Variants in INPPL1 observed in about 807,000 individuals in gnomAD.
The protein encoded by INPPL1 is phosphatidylinositol 3,4,5-trisphosphate 5-phosphatase 2.
INPPL1 carries 91 observed loss-of-function variants against 139.3 expected under a neutral mutation model. That is an observed-to-expected ratio of 0.65 (90% CI 0.55 to 0.78). The LOEUF is 0.78. INPPL1 is among the 30% of genes least tolerant of loss of function. INPPL1 has a pLI of 0.00. For synonymous variants in INPPL1, 719 were observed against 686.6 expected, an observed-to-expected ratio of 1.05 and a Z score of -0.74; for missense variants, 1,411 against 1,665.6, an observed-to-expected ratio of 0.85 and a Z score of 2.66.
rs1305706888 is a variant in INPPL1 at position 72,228,713 on chromosome 11, A to T, written c.398-14A>T. 1 of 1,606,782 alleles carries T rather than the reference A, an allele frequency of 6.2e-7. No individual in the cohort carries two copies. Among genetic ancestry groups the T allele is most frequent in the South Asian group, 1.1e-5 (1 of 90,266 alleles). On this transcript the variant is annotated splice_polypyrimidine_tract_variant and intron_variant, in intron 3 of 27. Transcript: ENST00000298229. The surrounding 1 kb of genome is among the most constrained non-coding windows in gnomAD (Gnocchi z 5.0). ...GGGAGGCCCAAACGGCTGCCCACTGACCCCTGCCCACAGATGGGGAGGATG... is the reference window on the plus strand; with the variant it reads ...GGGAGGCCCAAACGGCTGCCCACTGTCCCCTGCCCACAGATGGGGAGGATG...
In INPPL1 at chr11:72,235,188, G is replaced by GATA. The variant is rs1323025568; in HGVS notation, c.2488_2489insATA (p.Gly830delinsAspSer). 6.2e-7 allele frequency: 1 copy of GATA among 1,614,052 alleles called. No individual in the cohort carries two copies. The highest frequency in any genetic ancestry group is 1.1e-5 in the South Asian group (1 of 91,080). ...CCTGCTCACAGTCAAGTCCATGGAT[G>GATA]GCTATGAATCCTATGGTGAGGGGTG... On this transcript the variant is annotated protein_altering_variant, in exon 22 of 28. Transcript: ENST00000298229. The surrounding 1 kb of genome is among the most constrained non-coding windows in gnomAD (Gnocchi z 4.9).
rs151260449 is a variant in INPPL1 at position 72,235,961 on chromosome 11, C to T, written c.2854C>T (p.Pro952Ser). 107 of 1,601,854 alleles carry T rather than the reference C, an allele frequency of 6.7e-5. No homozygotes were observed. The African/African-American group carries it at 1.2e-3, about 18-fold the overall frequency. Residue 952 changes from proline (P) to serine (S), a missense_variant, in exon 25 of 28, where the codon CCC becomes TCC. Pro to Ser is a moderately conservative substitution (Grantham distance 74). Transcript: ENST00000298229. This position sits in a 1 kb window ranked among gnomAD's most constrained non-coding sequence, Gnocchi z 4.9. ...GCCCCCAGCCCCACCCCGAGCAGCT[C>T]CCCGGGAGGAGCCCTTGACCCCCAG... The part of the protein sequence containing the change: ...GRPPAPPRAA[P>S]REEPLTPRLK...
chr11:72,233,492 C>G lies in INPPL1; in HGVS notation c.2092C>G (p.Pro698Ala), dbSNP rs1357035436. ...WCDRILWKSY[P>A]ETHIICNSYG... Reference sequence around the variant, plus strand: ...TGACCGGATTCTGTGGAAATCCTACCCTGAAACTCACATCATCTGCAATTC... The same window carrying G: ...TGACCGGATTCTGTGGAAATCCTACGCTGAAACTCACATCATCTGCAATTC... The change falls in exon 18 of 28, where the codon CCT becomes GCT. Residue 698 changes from proline (P) to alanine (A), a missense_variant. Coordinates refer to ENST00000298229, the MANE Select transcript of INPPL1 (RefSeq NM_001567.4). The G allele has an allele frequency of 6.2e-7, 1 of 1,614,128 alleles. No individual in the cohort carries two copies. The highest frequency in any genetic ancestry group is 1.1e-5 in the South Asian group (1 of 91,086).
At chr11:72,233,567 C>A in intron 18 of INPPL1, 45 bp downstream of exon 18, 7 of 1,606,800 alleles carry the variant, frequency 4.4e-6, no homozygotes, top group South Asian at 1.1e-5. Flanking sequence ...GGGGTGGTCA[C>A]CATCTGGACT....
At chr11:72,237,923 G>C in intron 26 of INPPL1, 119 bp from the exon 27 acceptor site, 1 of 1,445,464 alleles carries the variant, frequency 6.9e-7, no homozygotes, top group East Asian at 2.5e-5. Flanking sequence ...GGGAAGTTGG[G>C]AGACACATGT....
Position 72,234,457 on chromosome 11 carries a change from A to T in INPPL1, c.2326+63A>T. ...GGATGGGAGGCAAGAGGGTGCAGTC[A>T]GCCCCCTACTTAGGGGGAAAGGAAG... On this transcript the variant is annotated intron_variant, in intron 20 of 27. Transcript: ENST00000298229. The surrounding 1 kb of genome is among the most constrained non-coding windows in gnomAD (Gnocchi z 4.2). The T allele has an allele frequency of 6.4e-7, 1 of 1,567,220 alleles. No homozygotes were observed. Among genetic ancestry groups the T allele is most frequent in the Non-Finnish European group, 8.8e-7 (1 of 1,137,294 alleles).
chr11:72,229,256 A>C (rs923632399), intron 5 of INPPL1, 26 bp downstream of exon 5: 17 of 1,587,996 alleles, frequency 1.1e-5, no homozygotes, highest in Non-Finnish European at 1.5e-5. Flanking sequence ...AGCCCCATGT[A>C]TTACACCCTT....
chr11:72,227,835 T>TA (rs1948716783), intron 1 of INPPL1: 2 of 352,068 alleles, frequency 5.7e-6, no homozygotes, highest in Non-Finnish European at 5.4e-6. Context: ...TGAAGACTCT[T>TA]ACTCTGGCGG....
intron 1 of INPPL1, 55 bp downstream of exon 1, chr11:72,225,221 G>A: frequency 8.2e-7 from 1 of 1,226,866 alleles, no homozygotes; most frequent in Non-Finnish European, 1.0e-6. Flanking sequence ...CGCGGGCACG[G>A]CCGGGTGTGG....
chr11:72,229,203 T>C lies in INPPL1; in HGVS notation c.632T>C (p.Leu211Pro). Reference protein sequence around the residue: ...ASHLPHLTRTLATSCRRLHSE... With the variant: ...ASHLPHLTRTPATSCRRLHSE... ...CACCTGCCCCACCTCACCCGTACCCTCGCTACCTCATGCCGGAGGCTGCAC... is the reference window on the plus strand; with the variant it reads ...CACCTGCCCCACCTCACCCGTACCCCCGCTACCTCATGCCGGAGGCTGCAC... The change falls in exon 5 of 28, where the codon CTC (leucine) becomes CCC (proline). Residue 211 changes from leucine (L) to proline (P), a missense_variant. By Grantham distance (98) the Leu-to-Pro change is moderately conservative. Around this residue, in one of 5 missense-constraint regions of INPPL1, gnomAD observed 504 missense variants for 595.6 expected, o/e 0.85. Transcript: ENST00000298229. 2 of 1,612,292 alleles carry C rather than the reference T, an allele frequency of 1.2e-6. No individual in the cohort carries two copies. The highest frequency in any genetic ancestry group is 1.7e-6 in the Non-Finnish European group (2 of 1,179,022).
At chr11:72,236,009 G>GC (rs769391275) in intron 25 of INPPL1, 23 bp downstream of exon 25, 95 of 1,343,140 alleles carry the variant, frequency 7.1e-5, no homozygotes, top group African/African-American at 1.3e-4. Flanking sequence ...ACCTGTCACC[G>GC]CCCCCCCTTC....
rs1591275599 is a variant in INPPL1, at chr11:72,230,412, T to C, written c.1141T>C (p.Phe381Leu). Residue 381 changes from phenylalanine (F) to leucine (L), a missense_variant, in exon 10 of 28, where the codon TTT (phenylalanine) becomes CTT (leucine). Phe to Leu is a conservative substitution (Grantham distance 22). Transcript: ENST00000298229. ...TGTCCAGAACAAGCTGGGTGTTGTG[T>C]TTGAGAAGGAGAAGGACCGGACTCA... ...QRVQNKLGVVFEKEKDRTQRK... is the reference protein window; with the variant it reads ...QRVQNKLGVVLEKEKDRTQRK... The C allele has an allele frequency of 1.2e-6, 2 of 1,614,102 alleles. No homozygotes were observed. The highest frequency in any genetic ancestry group is 4.5e-5 in the East Asian group (2 of 44,876).
At position 72,225,010 on chromosome 11, in the gene INPPL1, G is replaced by T; in HGVS notation, c.26G>T (p.Gly9Val). 1 of 1,210,240 alleles carries T rather than the reference G, an allele frequency of 8.3e-7. No individual in the cohort carries two copies. Among genetic ancestry groups the T allele is most frequent in the Non-Finnish European group, 1.0e-6 (1 of 974,516 alleles). 75.0% of individuals were successfully genotyped at this position (1,210,240 alleles called of 1,614,324 possible). ...ATGGCCTCGGCCTGCGGGGCGCCGG[G>T]CCCGGGGGGCGCCCTGGGCAGCCAG... MASACGAP[G>V]PGGALGSQAP... The change falls in exon 1 of 28, where the codon GGC becomes GTC. Residue 9 changes from glycine (G) to valine (V), a missense_variant. Physicochemically the swap from Gly to Val is moderately radical, Grantham distance 109. Transcript: ENST00000298229.
At position 72,235,636 on chromosome 11, in the gene INPPL1, G is replaced by A. The variant is rs762438988; in HGVS notation, c.2660-39G>A. ...CACTGGGTGTCTGTGGGATCCAGGA[G>A]CCCAGGTCTCCTCTGAGTCTCCCTT... On this transcript the variant is annotated intron_variant, in intron 23 of 27. Coordinates refer to ENST00000298229, the MANE Select transcript of INPPL1 (RefSeq NM_001567.4). This position sits in a 1 kb window ranked among gnomAD's most constrained non-coding sequence, Gnocchi z 4.9. 4 of 1,609,668 alleles carry A rather than the reference G, an allele frequency of 2.5e-6. No homozygotes were observed. The Admixed American group carries it at 5.0e-5, about 20-fold the overall frequency.
At chr11:72,225,927 T>C (rs889498916) in intron 1 of INPPL1, among the ~76,000 whole-genome samples, 1 of 152,158 alleles carries the variant, frequency 6.6e-6, no homozygotes, top group African/African-American at 2.4e-5. Context: ...GTTAGCACTC[T>C]TGGTTTTGCA....
rs1008622934 is a variant in INPPL1, at chr11:72,237,141, C to A, written c.2897C>A (p.Ala966Asp). 1 of 1,591,094 alleles carries A rather than the reference C, an allele frequency of 6.3e-7. No individual in the cohort carries two copies. Among genetic ancestry groups the A allele is most frequent in the Non-Finnish European group, 8.6e-7 (1 of 1,165,124 alleles). Residue 966 changes from alanine to aspartate, a missense_variant, in exon 26 of 28, where the codon GCT becomes GAT. Physicochemically the swap from Ala to Asp is moderately radical, Grantham distance 126. This residue lies in a region of INPPL1 where 438 missense variants were observed against 425.7 expected (regional missense o/e 1.03). Transcript: ENST00000298229. ...ACACCCAGGTTGAAGCCAGAGGGAG[C>A]TCCTGAACCAGAAGGGGTGGCGGCC... is the stretch of plus-strand genomic sequence containing the variant. ...PLTPRLKPEG[A>D]PEPEGVAAPP...
At position 72,230,214 on chromosome 11, in the gene INPPL1, C is replaced by T. The variant is rs1180822609; in HGVS notation, c.1033C>T (p.Leu345=). The T allele has an allele frequency of 6.2e-7, 1 of 1,611,890 alleles. No individual in the cohort carries two copies. The highest frequency in any genetic ancestry group is 8.5e-7 in the Non-Finnish European group (1 of 1,178,644). Residue 345 remains leucine, a synonymous_variant, in exon 9 of 28, where the codon CTG becomes TTG. Transcript: ENST00000298229. ...SVDVEGGRLV[L]LRRQRDSQED... is the part of the protein sequence containing the mutation. ...GGATGTGGAGGGTGGGCGGCTGGTG[C>T]TGCTGCGGAGACAGCGGGACTCCCA...
In INPPL1 at chr11:72,225,148, C is replaced by G. The variant is rs1565381470; in HGVS notation, c.164C>G (p.Ala55Gly). Reference sequence around the variant, plus strand: ...CGAGACAGCGAGAGCGTGGCGGGGGCCTTCGCGCTCTGCGTCCTGTGAGTG... The same window carrying G: ...CGAGACAGCGAGAGCGTGGCGGGGGGCTTCGCGCTCTGCGTCCTGTGAGTG... The part of the protein sequence containing the change: ...LVRDSESVAG[A>G]FALCVLYQKH... The change falls in exon 1 of 28, where the codon GCC becomes GGC. Residue 55 changes from alanine to glycine, a missense_variant. Physicochemically the swap from Ala to Gly is moderately conservative, Grantham distance 60. Coordinates refer to ENST00000298229, the MANE Select transcript of INPPL1 (RefSeq NM_001567.4). The G allele has an allele frequency of 8.1e-7, 1 of 1,230,590 alleles. No homozygotes were observed. The highest frequency in any genetic ancestry group is 1.0e-6 in the Non-Finnish European group (1 of 986,962). 76.2% of individuals were successfully genotyped at this position (1,230,590 alleles called of 1,614,324 possible).
At chr11:72,233,872 GT>G in intron 19 of INPPL1, 128 bp downstream of exon 19, 2 of 736,722 alleles carry the variant, frequency 2.7e-6, no homozygotes, top group Non-Finnish European at 4.7e-6. Flanking sequence ...GTGCAGGAGT[GT>G]TTCTCAAGGT....
Sources: gnomAD v4.1 joint callset for allele counts (sites outside exome capture counted in the v4.1 genomes callset) on GRCh38, gnomAD v4.1.1 for gene constraint, gnomAD v4.1.1 regional missense constraint, Gnocchi (gnomAD v3.1) non-coding constraint, MANE v1.5 for transcripts, NCBI Gene and HGNC (gene_info 2026-07-23, HGNC 2026-07-21) for gene names.